The following SPAG16 variants were observed in gnomAD, a reference collection of about 807,000 sequenced individuals.
The protein encoded by SPAG16 is sperm-associated antigen 16 protein.
Under a neutral mutation model 80.4 loss-of-function variants are expected in SPAG16, and 86 were observed. The observed-to-expected ratio is 1.07, with a 90% confidence interval of 0.90 to 1.28. The LOEUF (loss-of-function observed/expected upper bound fraction) is 1.28. Among genes scored for constraint, SPAG16 ranks in the 50% most tolerant of loss-of-function variants. The probability of loss-of-function intolerance (pLI) is 0.00; values close to 1 mark genes in which losing one functional copy is unlikely to be tolerated. For missense variants in SPAG16, 870 were observed against 765.3 expected (o/e 1.14, Z -1.61); for synonymous variants, 294 against 265.9 (o/e 1.11, Z -1.03).
At chr2:213,567,427 C>A (rs538745174) in intron 10 of SPAG16, among the ~76,000 whole-genome samples, 3 of 106,878 alleles carry the variant, frequency 2.8e-5, no homozygotes. Context: ...ATTCCCCTTC[C>A]TGTGTCCATG....
chr2:213,483,853 T>C (rs1401878714), intron 9 of SPAG16, among the ~76,000 whole-genome samples: 1 of 152,244 alleles, frequency 6.6e-6, no homozygotes, highest in Non-Finnish European at 1.5e-5. Context: ...TAGCCTTTAA[T>C]TGTATTCTAA....
chr2:213,949,825 G>A (rs991178248), intron 12 of SPAG16, among the ~76,000 whole-genome samples: 10 of 152,164 alleles, frequency 6.6e-5, no homozygotes, highest in African/African-American at 4.8e-5. Flanking sequence ...GAATTGTGAA[G>A]CAGAATATTC....
chr2:213,976,419 G>A (rs1310064681), intron 12 of SPAG16, among the ~76,000 whole-genome samples: 1 of 151,366 alleles, frequency 6.6e-6, no homozygotes, highest in Admixed American at 6.6e-5. Context: ...TAACTAACAG[G>A]TCTCCTCTCA....
In SPAG16 at chr2:213,443,605, A is replaced by G. The variant is rs2071118587; in HGVS notation, c.943-46358A>G. ...CTTTGTTATTGTGAATAATGCTGAA[A>G]TGAATATGGGAGCACAGATATCTTT... On this transcript the variant is annotated intron_variant, in intron 9 of 15. Transcript: ENST00000331683. Among the ~76,000 whole-genome samples the G allele has an allele frequency of 2.6e-5, 4 of 152,206 alleles. No individual in the cohort carries two copies. In the South Asian group the frequency reaches 8.3e-4, roughly 31 times the overall value.
chr2:214,336,440 G>A (rs1386974802), intron 15 of SPAG16, among the ~76,000 whole-genome samples: 1 of 152,116 alleles, frequency 6.6e-6, no homozygotes. Flanking sequence ...AGTAACACAA[G>A]TATAGACATG....
intron 15 of SPAG16, among the ~76,000 whole-genome samples, chr2:214,226,675 C>A (rs1429801560): frequency 2.0e-5 from 3 of 151,958 alleles, no homozygotes; most frequent in African/African-American, 7.2e-5. Context: ...CCAAAGCTTA[C>A]CCTGGTAAGC....
intron 15 of SPAG16, among the ~76,000 whole-genome samples, chr2:214,246,530 T>C (rs572127389): frequency 6.6e-6 from 1 of 152,202 alleles, no homozygotes; most frequent in South Asian, 2.1e-4. Flanking sequence ...ACCCTGAGCA[T>C]ACTATAAGCC....
chr2:213,737,709 C>T (rs1043620117), intron 10 of SPAG16, among the ~76,000 whole-genome samples: 1 of 152,016 alleles, frequency 6.6e-6, no homozygotes, highest in South Asian at 2.1e-4. Context: ...AGGATGGTCT[C>T]GATCTCCTGA....
chr2:214,106,605 C>G (rs1319943977), intron 13 of SPAG16, among the ~76,000 whole-genome samples: 2 of 152,098 alleles, frequency 1.3e-5, no homozygotes, highest in African/African-American at 4.8e-5. Flanking sequence ...TAAAGCCTTT[C>G]CAACTTTGCT....
At chr2:214,011,107 T>C (rs1373633520) in intron 12 of SPAG16, among the ~76,000 whole-genome samples, 1 of 137,712 alleles carries the variant, frequency 7.3e-6, no homozygotes, top group Non-Finnish European at 1.5e-5. Flanking sequence ...CATTTTAATA[T>C]AATAGGAATA....
At chr2:213,847,005 G>A (rs1284192590) in intron 10 of SPAG16, among the ~76,000 whole-genome samples, 2 of 152,144 alleles carry the variant, frequency 1.3e-5, no homozygotes, top group African/African-American at 2.4e-5. Context: ...TTCCTTGCTG[G>A]CTGTCAGGTG....
rs200523715 is a variant in SPAG16, at chr2:214,149,176, A to G, written c.1630A>G (p.Thr544Ala). 6 of 1,593,984 alleles carry G rather than the reference A, an allele frequency of 3.8e-6. No individual in the cohort carries two copies. In the Admixed American group the frequency reaches 5.2e-5, roughly 14 times the overall value. ...MIASCDACGV[T>A]KLWDFRKLLP... ...AGCATCCTGTGATGCCTGTGGGGTT[A>G]CAAAGCTGTGGGACTTTCGGAAGCT... The change falls in exon 15 of 16, where the codon ACA (threonine) becomes GCA (alanine). Residue 544 changes from threonine (T) to alanine (A), a missense_variant. Transcript: ENST00000331683.
At chr2:214,350,593 C>T (rs1348864652) in intron 15 of SPAG16, among the ~76,000 whole-genome samples, 1 of 152,118 alleles carries the variant, frequency 6.6e-6, no homozygotes, top group East Asian at 1.9e-4. Flanking sequence ...AAAAAGAAGC[C>T]TGAGTTGGGA....
intron 12 of SPAG16, among the ~76,000 whole-genome samples, chr2:213,959,888 C>CA (rs1406706147): frequency 5.3e-5 from 8 of 151,822 alleles, no homozygotes; most frequent in Non-Finnish European, 1.0e-4. Context: ...GAGTGCTCTC[C>CA]AAAAAAAGAC....
At chr2:213,785,418 C>G (rs1292783735) in intron 10 of SPAG16, among the ~76,000 whole-genome samples, 1 of 151,994 alleles carries the variant, frequency 6.6e-6, no homozygotes, top group East Asian at 1.9e-4. Context: ...CATGTTACAC[C>G]AAAAATATTC....
chr2:213,885,469 AATTT>A (rs1289358037), intron 11 of SPAG16, among the ~76,000 whole-genome samples: 1 of 152,118 alleles, frequency 6.6e-6, no homozygotes, highest in Non-Finnish European at 1.5e-5. Flanking sequence ...AACTTTACTG[AATTT>A]ATTTATCATA....
intron 15 of SPAG16, among the ~76,000 whole-genome samples, chr2:214,250,753 TATATAGAGAGAGAG>T (rs1690216724): frequency 2.0e-5 from 2 of 99,480 alleles, no homozygotes; most frequent in African/African-American, 3.7e-5. Context: ...TATATATATA[TATATAGAGAGAGAG>T]AGAGAGAGAG....
rs1324624242 is a variant in SPAG16 at position 214,058,907 on chromosome 2, C to CA, written c.1527+44831dup. Reference sequence around the variant, plus strand: ...TTAAGGGAACCCCAGGAAACTGCTACAGTGGTGCTGAAAGGTTAATGAATT... The same window carrying CA: ...TTAAGGGAACCCCAGGAAACTGCTACAAGTGGTGCTGAAAGGTTAATGAATT... On this transcript the variant is annotated intron_variant, in intron 13 of 15. Coordinates refer to ENST00000331683, the MANE Select transcript of SPAG16 (RefSeq NM_024532.5). Among the ~76,000 whole-genome samples, 8 of 151,984 alleles carry CA rather than the reference C, an allele frequency of 5.3e-5. 1 individual carries two copies. The highest frequency in any genetic ancestry group is 1.9e-4 in the African/African-American group (8 of 41,392).
intron 11 of SPAG16, among the ~76,000 whole-genome samples, chr2:213,867,800 T>A (rs2075754296): frequency 6.6e-6 from 1 of 151,508 alleles, no homozygotes; most frequent in Non-Finnish European, 1.5e-5. Flanking sequence ...GGCGGGCACC[T>A]GTAGTCCCAG....
Sources: allele counts gnomAD v4.1 joint callset (sites outside exome capture counted in the v4.1 genomes callset), GRCh38; gene constraint gnomAD v4.1.1; transcripts MANE v1.5; gene names NCBI Gene and HGNC (gene_info 2026-07-23, HGNC 2026-07-21).